Variants in THADA observed in about 807,000 individuals in gnomAD.
THADA encodes the protein THADA armadillo repeat containing.
Under a neutral mutation model 219.8 loss-of-function variants are expected in THADA, and 213 were observed. The observed-to-expected ratio is 0.97, with a 90% confidence interval of 0.87 to 1.09. The LOEUF (loss-of-function observed/expected upper bound fraction) is 1.09. THADA is among the 50% of genes least tolerant of loss of function. The probability of loss-of-function intolerance (pLI) is 0.00; values close to 1 mark genes in which losing one functional copy is unlikely to be tolerated. For missense variants in THADA, 2,956 were observed against 2,311.3 expected (o/e 1.28, Z -5.72); for synonymous variants, 1,018 against 828.9 (o/e 1.23, Z -3.92).
intron 17 of THADA, 65 bp downstream of exon 17, chr2:43,556,280 A>G: frequency 6.3e-7 from 1 of 1,581,066 alleles, no homozygotes; most frequent in Non-Finnish European, 8.6e-7. Flanking sequence ...ACCATTAGAT[A>G]TTCTAACCAA....
intron 25 of THADA, among the ~76,000 whole-genome samples, chr2:43,498,092 G>C (rs1483303891): frequency 1.3e-5 from 2 of 152,018 alleles, no homozygotes; most frequent in Non-Finnish European, 2.9e-5. Flanking sequence ...ACACAGTATG[G>C]ATCAACCCTT....
In THADA at chr2:43,421,097, C is replaced by T. The variant is rs536666958; in HGVS notation, c.4058+7003G>A. Among the ~76,000 whole-genome samples the T allele has an allele frequency of 2.6e-5, 4 of 152,190 alleles. 1 individual carries two copies. Among genetic ancestry groups the T allele is most frequent in the African/African-American group, 9.6e-5 (4 of 41,506 alleles). Reference sequence around the variant, plus strand: ...GTATGTATCTGTAATATACAAATACCCCATGGAAGATAACACTGGGGGCAT... The same window carrying T: ...GTATGTATCTGTAATATACAAATACTCCATGGAAGATAACACTGGGGGCAT... On this transcript the variant is annotated intron_variant, in intron 28 of 37. Coordinates refer to ENST00000405975, the MANE Select transcript of THADA (RefSeq NM_022065.5).
chr2:43,291,647 T>G, intron 34 of THADA, 49 bp downstream of exon 34: 7 of 1,448,078 alleles, frequency 4.8e-6, no homozygotes, highest in Non-Finnish European at 6.5e-6. Flanking sequence ...TCTGAGTAAA[T>G]GAGAACAAAA....
chr2:43,462,650 A>G (rs547623962), intron 26 of THADA, among the ~76,000 whole-genome samples: 1 of 152,330 alleles, frequency 6.6e-6, no homozygotes, highest in Non-Finnish European at 1.5e-5. Flanking sequence ...AAGGAAGACC[A>G]AAGAATTTTG....
At chr2:43,233,092 C>T (rs750590764) in intron 36 of THADA, 13 of 570,940 alleles carry the variant, frequency 2.3e-5, no homozygotes, top group Non-Finnish European at 1.9e-5. Context: ...AGGCCTGAAC[C>T]CACTGTTTCC....
In THADA at chr2:43,540,017, T is replaced by C. The variant is rs551139448; in HGVS notation, c.3264+1142A>G. Among the ~76,000 whole-genome samples, 5 of 152,270 alleles carry C rather than the reference T, an allele frequency of 3.3e-5. No homozygotes were observed. In the South Asian group the frequency reaches 1.0e-3, roughly 32 times the overall value. ...ACACTACCCAACAAACCCAAAAAAC[T>C]AAATGTTTTAACTTGTCCTTGGAAA... On this transcript the variant is annotated intron_variant, in intron 21 of 37. Transcript: ENST00000405975.
intron 26 of THADA, among the ~76,000 whole-genome samples, chr2:43,483,190 G>T (rs1006588927): frequency 2.6e-5 from 4 of 152,130 alleles, no homozygotes; most frequent in African/African-American, 9.7e-5. Flanking sequence ...TTAGTTATCC[G>T]GTGGATAAGT....
At chr2:43,342,528 C>G (rs529306568) in intron 30 of THADA, among the ~76,000 whole-genome samples, 2 of 152,322 alleles carry the variant, frequency 1.3e-5, no homozygotes, top group African/African-American at 4.8e-5. Context: ...AGTGCCGTTT[C>G]ATATTGCTGT....
chr2:43,507,466 G>C (rs923340311), intron 23 of THADA, among the ~76,000 whole-genome samples: 2 of 152,138 alleles, frequency 1.3e-5, no homozygotes, highest in Admixed American at 1.3e-4. Flanking sequence ...TTAGAGGCAG[G>C]AGAATGAAAC....
At position 43,551,840 on chromosome 2, in the gene THADA, C is replaced by G; in HGVS notation, c.2896G>C (p.Val966Leu). ...CCTTCAGGGGATGAGCTCTGAATGACTGGAGACACCACAGTGGAAAGCCTG... is the reference window on the plus strand; with the variant it reads ...CCTTCAGGGGATGAGCTCTGAATGAGTGGAGACACCACAGTGGAAAGCCTG... ...SYRLSTVVSP[V>L]IQSSSPEGLI... The change falls in exon 19 of 38, where the codon GTC (valine) becomes CTC (leucine). Residue 966 changes from valine to leucine, a missense_variant. Val to Leu is a conservative substitution (Grantham distance 32). Coordinates refer to ENST00000405975, the MANE Select transcript of THADA (RefSeq NM_022065.5). 3 of 1,613,842 alleles carry G rather than the reference C, an allele frequency of 1.9e-6. No individual in the cohort carries two copies. Among genetic ancestry groups the G allele is most frequent in the South Asian group, 2.2e-5 (2 of 91,080 alleles).
intron 29 of THADA, among the ~76,000 whole-genome samples, chr2:43,397,329 C>T (rs1484303287): frequency 6.6e-6 from 1 of 152,178 alleles, no homozygotes; most frequent in Non-Finnish European, 1.5e-5. Flanking sequence ...CAGGAGACCT[C>T]ACCAATACTA....
At chr2:43,568,996 T>A (rs78481334) in intron 14 of THADA, among the ~76,000 whole-genome samples, 12,282 of 152,206 alleles carry the variant, frequency 0.081, 616 homozygotes, top group Non-Finnish European at 0.12. Flanking sequence ...TGAAGCAGGG[T>A]CTCGCTGCTC....
intron 24 of THADA, among the ~76,000 whole-genome samples, chr2:43,501,771 C>T (rs1448796755): frequency 1.3e-5 from 2 of 152,026 alleles, no homozygotes; most frequent in Non-Finnish European, 1.5e-5. Context: ...TGGTGAAACC[C>T]CATCTCTACT....
intron 29 of THADA, among the ~76,000 whole-genome samples, chr2:43,385,499 C>T (rs1303132974): frequency 6.7e-6 from 1 of 150,140 alleles, no homozygotes; most frequent in Non-Finnish European, 1.5e-5. Context: ...CCCAGTTACT[C>T]GGAAGTCTGA....
chr2:43,326,573 G>C (rs1679361306), intron 30 of THADA, among the ~76,000 whole-genome samples: 1 of 152,164 alleles, frequency 6.6e-6, no homozygotes, highest in South Asian at 2.1e-4. Context: ...AATATAAGGA[G>C]AGGCAGTGTC....
intron 21 of THADA, among the ~76,000 whole-genome samples, chr2:43,537,830 A>C (rs780518339): frequency 2.6e-5 from 4 of 151,344 alleles, no homozygotes; most frequent in Non-Finnish European, 5.9e-5. Context: ...GGTAGCACAC[A>C]CCTATAGTCC....
chr2:43,272,929 A>G (rs1311261024), intron 36 of THADA, among the ~76,000 whole-genome samples: 7 of 151,832 alleles, frequency 4.6e-5, no homozygotes, highest in Non-Finnish European at 7.4e-5. Flanking sequence ...CCTAGCCCCA[A>G]TTTAGAATTT....
At chr2:43,409,796 G>C (rs932737435) in intron 28 of THADA, among the ~76,000 whole-genome samples, 1 of 152,046 alleles carries the variant, frequency 6.6e-6, no homozygotes, top group African/African-American at 2.4e-5. Context: ...GAGGCAGCAG[G>C]ATTGCTTGGG....
At chr2:43,413,966 C>A (rs1005354942) in intron 28 of THADA, among the ~76,000 whole-genome samples, 1 of 152,188 alleles carries the variant, frequency 6.6e-6, no homozygotes, top group Non-Finnish European at 1.5e-5. Context: ...ACAGTATTTG[C>A]ATATAACCTA....
Sources: gnomAD v4.1 joint callset for allele counts (sites outside exome capture counted in the v4.1 genomes callset) on GRCh38, gnomAD v4.1.1 for gene constraint, MANE v1.5 for transcripts, NCBI Gene and HGNC (gene_info 2026-07-23, HGNC 2026-07-21) for gene names.